The following IQCK variants were observed in gnomAD, a reference collection of about 807,000 sequenced individuals.
IQCK encodes the protein IQ domain-containing protein K.
In IQCK, 29 loss-of-function variants were observed where a neutral mutation model predicts 28.1. The observed-to-expected ratio is 1.03, with a 90% CI of 0.77 to 1.41. The LOEUF is 1.41. Among genes scored for constraint, IQCK ranks in the 40% most tolerant of loss-of-function variants. The pLI, the probability that IQCK is intolerant of heterozygous loss-of-function variation, is 0.00. For synonymous variants in IQCK, 113 were observed against 115.1 expected (o/e 0.98, Z 0.12); for missense variants, 359 against 314.7 (o/e 1.14, Z -1.07).
intron 4 of IQCK, among the ~76,000 whole-genome samples, chr16:19,757,570 A>G (rs999165461): frequency 1.3e-5 from 2 of 152,146 alleles, no homozygotes; most frequent in African/African-American, 2.4e-5. Flanking sequence ...AATCCTAGCT[A>G]CTTAGGAGGC....
At chr16:19,799,597 T>TATACACACAC (rs1265590680) in intron 7 of IQCK, among the ~76,000 whole-genome samples, 3 of 111,686 alleles carry the variant, frequency 2.7e-5, no homozygotes, top group Non-Finnish European at 1.7e-5. Flanking sequence ...TATATATATA[T>TATACACACAC]ACACACACAC....
intron 7 of IQCK, among the ~76,000 whole-genome samples, chr16:19,814,330 G>A (rs776764136): frequency 4.0e-5 from 6 of 148,744 alleles, no homozygotes; most frequent in Admixed American, 3.4e-4. Flanking sequence ...ACTTGAACCC[G>A]GGAGGAAGAG....
intron 9 of IQCK, among the ~76,000 whole-genome samples, chr16:19,842,542 A>T (rs1269529444): frequency 6.6e-6 from 1 of 152,198 alleles, no homozygotes; most frequent in Non-Finnish European, 1.5e-5. Context: ...CTTTGGGTCA[A>T]AATCCATTAA....
chr16:19,825,009 T>C lies in IQCK; in HGVS notation c.691-2017T>C, dbSNP rs916235909. Reference sequence around the variant, plus strand: ...GATGCCCCTTTGTTTTCCCTTGCACTCACCAACTTCCCTAGTCTTACCATA... The same window carrying C: ...GATGCCCCTTTGTTTTCCCTTGCACCCACCAACTTCCCTAGTCTTACCATA... On this transcript the variant is annotated intron_variant, in intron 7 of 7. Coordinates refer to ENST00000564186, the Ensembl canonical transcript of IQCK. This position sits in a 1 kb window ranked among gnomAD's most constrained non-coding sequence, Gnocchi z 4.2. Among the ~76,000 whole-genome samples the C allele has an allele frequency of 1.3e-5, 2 of 152,322 alleles. No individual in the cohort carries two copies. Among genetic ancestry groups the C allele is most frequent in the Non-Finnish European group, 2.9e-5 (2 of 68,024 alleles).
chr16:19,840,182 CCT>C (rs2056348932), intron 9 of IQCK, among the ~76,000 whole-genome samples: 1 of 151,986 alleles, frequency 6.6e-6, no homozygotes, highest in Non-Finnish European at 1.5e-5. Context: ...ATGGTGAAAC[CCT>C]GTCTCTACTA....
At chr16:19,728,391 A>G (rs1400564422) in intron 1 of IQCK, among the ~76,000 whole-genome samples, 1 of 152,136 alleles carries the variant, frequency 6.6e-6, no homozygotes, top group Non-Finnish European at 1.5e-5. Flanking sequence ...TGGGGATTAT[A>G]AGTGCCTGCC....
At chr16:19,741,040 C>T (rs993260370) in intron 4 of IQCK, among the ~76,000 whole-genome samples, 1 of 151,410 alleles carries the variant, frequency 6.6e-6, no homozygotes, top group African/African-American at 2.4e-5. Context: ...TTCTGTTCAA[C>T]AAACATTCAT....
chr16:19,767,854 T>G (rs2055262900), intron 6 of IQCK, among the ~76,000 whole-genome samples: 1 of 151,930 alleles, frequency 6.6e-6, no homozygotes. Flanking sequence ...CACGCCAGCC[T>G]GGGTGACAGA....
At chr16:19,730,576 T>A in intron 2 of IQCK, 82 bp downstream of exon 2, 3 of 1,097,824 alleles carry the variant, frequency 2.7e-6, no homozygotes, top group Non-Finnish European at 2.6e-6. Context: ...TCACACAGTG[T>A]CACTGAGTTC....
chr16:19,820,421 G>A (rs1041614077), intron 7 of IQCK, among the ~76,000 whole-genome samples: 5 of 152,070 alleles, frequency 3.3e-5, no homozygotes, highest in East Asian at 3.9e-4. Flanking sequence ...AGGCCGAGGC[G>A]GGTGGATCAT....
rs561225581 is a variant in IQCK, at chr16:19,783,290, C to T, written c.606-5548C>T. On this transcript the variant is annotated intron_variant, in intron 6 of 7. Transcript: ENST00000564186. The stretch of plus-strand genomic sequence containing the variant: ...CTGGGATTACAGGCGGGAGCCACCG[C>T]GCCTGGCCAGCATTGATTCTTAGGG... Among the ~76,000 whole-genome samples, 586 of 152,178 alleles carry T rather than the reference C, an allele frequency of 3.9e-3. 1 individual carries two copies. The highest frequency in any genetic ancestry group is 0.017 in the Middle Eastern group (5 of 294).
rs191306213 is a variant in IQCK at position 19,736,637 on chromosome 16, A to C, written c.474+1187A>C. ...TGATCCAGATGAAGAGAGTAAAATTACAACATTTATTATTGACCAGGCACT... is the reference window on the plus strand; with the variant it reads ...TGATCCAGATGAAGAGAGTAAAATTCCAACATTTATTATTGACCAGGCACT... On this transcript the variant is annotated intron_variant, in intron 4 of 7. Transcript: ENST00000564186. 4.0e-3 allele frequency among the ~76,000 whole-genome samples: 612 copies of C among 152,342 alleles called. 3 individuals are homozygous for C. The highest frequency in any genetic ancestry group is 0.012 in the African/African-American group (497 of 41,586).
chr16:19,733,861 G>A, intron 3 of IQCK, 34 bp downstream of exon 3: 1 of 1,612,682 alleles, frequency 6.2e-7, no homozygotes, highest in Non-Finnish European at 8.5e-7. Flanking sequence ...TTATAATTTG[G>A]GGCTTTTAAC....
chr16:19,838,498 T>C (rs2056324414), intron 9 of IQCK, among the ~76,000 whole-genome samples: 1 of 152,056 alleles, frequency 6.6e-6, no homozygotes. Context: ...AATGACTCTT[T>C]CTGAATGCAA....
At chr16:19,734,284 G>T (rs1977934223) in intron 3 of IQCK, among the ~76,000 whole-genome samples, 1 of 151,824 alleles carries the variant, frequency 6.6e-6, no homozygotes, top group Non-Finnish European at 1.5e-5. Context: ...ATCACTTGAG[G>T]TCAGGAATTC....
Position 19,725,864 on chromosome 16 carries a change from A to T in IQCK, c.182-4566A>T, listed in dbSNP as rs374829448. Among the ~76,000 whole-genome samples, 8 of 152,148 alleles carry T rather than the reference A, an allele frequency of 5.3e-5. No homozygotes were observed. The East Asian group carries it at 1.3e-3, about 26-fold the overall frequency. ...TGTCTTTTGTGATCATGTGATGAAG[A>T]AATTTATATTTTTTCCATCAAATTT... On this transcript the variant is annotated intron_variant, in intron 1 of 7. Transcript: ENST00000564186.
chr16:19,731,455 TC>T (rs1459637974), intron 2 of IQCK, among the ~76,000 whole-genome samples: 1 of 152,220 alleles, frequency 6.6e-6, no homozygotes. Flanking sequence ...CTGTGATTGT[TC>T]CTTTTCTCCT....
chr16:19,855,622 C>CCACCTCTTTGGTGTACATA (rs1158650642), intron 9 of IQCK, among the ~76,000 whole-genome samples: 3 of 152,102 alleles, frequency 2.0e-5, no homozygotes, highest in African/African-American at 7.2e-5. Flanking sequence ...GGTGTACATA[C>CCACCTCTTTGGTGTACATA]CCACCTCTTT....
At chr16:19,739,810 G>T (rs1481717726) in intron 4 of IQCK, among the ~76,000 whole-genome samples, 1 of 151,244 alleles carries the variant, frequency 6.6e-6, no homozygotes, top group South Asian at 2.1e-4. Context: ...GTGAGACCCT[G>T]TCTCAAAAAA....
Sources: gnomAD v4.1 joint callset for allele counts (sites outside exome capture counted in the v4.1 genomes callset) on GRCh38, gnomAD v4.1.1 for gene constraint, Gnocchi (gnomAD v3.1) non-coding constraint, MANE v1.5 for transcripts, NCBI Gene and HGNC (gene_info 2026-07-23, HGNC 2026-07-21) for gene names.